Variants in SAE1 observed in about 807,000 individuals in gnomAD.
SAE1 encodes the protein SUMO-activating enzyme subunit 1.
SAE1 carries 11 observed loss-of-function variants against 40.6 expected under a neutral mutation model. The ratio of observed to expected loss-of-function variants is 0.27; its 90% CI spans 0.17 to 0.45. The LOEUF is 0.45. Among genes scored for constraint, SAE1 ranks in the 20% least tolerant of loss-of-function variants. SAE1 has a pLI of 1.00. For synonymous variants in SAE1, 155 were observed against 154.3 expected (o/e 1.00, Z -0.03); for missense variants, 373 against 427.3 (o/e 0.87, Z 1.12).
intron 6 of SAE1, among the ~76,000 whole-genome samples, chr19:47,173,591 C>T (rs1001569134): frequency 2.0e-5 from 3 of 152,078 alleles, no homozygotes; most frequent in Admixed American, 6.6e-5. Context: ...AACACTGTCA[C>T]GGGGGACTGT....
At chr19:47,203,626 G>A (rs2123324695) in intron 7 of SAE1, 45 bp from the exon 8 acceptor site, 1 of 1,565,820 alleles carries the variant, frequency 6.4e-7, no homozygotes, top group Admixed American at 1.7e-5. Flanking sequence ...CATGGTCACA[G>A]TTCTGTTCCC....
intron 6 of SAE1, among the ~76,000 whole-genome samples, chr19:47,192,440 G>A (rs2058584945): frequency 6.6e-6 from 1 of 151,958 alleles, no homozygotes; most frequent in East Asian, 1.9e-4. Context: ...ATAGAGATGG[G>A]GTTTTATCAT....
chr19:47,164,638 C>CATT, intron 5 of SAE1, among the ~76,000 whole-genome samples: 1 of 125,070 alleles, frequency 8.0e-6, no homozygotes, highest in East Asian at 2.6e-4. Context: ...GGAGAATTCA[C>CATT]CTTTTTTTTT....
chr19:47,188,497 A>C (rs1448475754), intron 6 of SAE1, among the ~76,000 whole-genome samples: 1 of 152,206 alleles, frequency 6.6e-6, no homozygotes, highest in Admixed American at 6.5e-5. Context: ...ATGCAGGTAA[A>C]TGAGCTACTG....
At chr19:47,152,602 T>C (rs573681346) in intron 3 of SAE1, among the ~76,000 whole-genome samples, 2 of 152,334 alleles carry the variant, frequency 1.3e-5, no homozygotes, top group East Asian at 3.9e-4. Context: ...AACTATGAAA[T>C]GTGTATATGT....
At chr19:47,179,792 T>C (rs1449216176) in intron 6 of SAE1, among the ~76,000 whole-genome samples, 1 of 152,168 alleles carries the variant, frequency 6.6e-6, no homozygotes, top group Non-Finnish European at 1.5e-5. Context: ...CTCTGTCTCC[T>C]GGGCTGAAGT....
In SAE1 at chr19:47,155,231, G is replaced by T. The variant is rs774375508; in HGVS notation, c.627+18G>T. On this transcript the variant is annotated intron_variant, in intron 5 of 8. Coordinates refer to ENST00000270225, the MANE Select transcript of SAE1 (RefSeq NM_005500.3). Reference sequence around the variant, plus strand: ...TCAAAAAGGTATGTGTAACGTGGGGGCAGAGGTCAGAAACCCTGGGGCCTT... The same window carrying T: ...TCAAAAAGGTATGTGTAACGTGGGGTCAGAGGTCAGAAACCCTGGGGCCTT... 9 of 1,547,650 alleles carry T rather than the reference G, an allele frequency of 5.8e-6. No homozygotes were observed. The African/African-American group carries it at 6.8e-5, about 12-fold the overall frequency.
At chr19:47,140,547 G>A (rs2058214804) in intron 1 of SAE1, among the ~76,000 whole-genome samples, 1 of 151,518 alleles carries the variant, frequency 6.6e-6, no homozygotes, top group African/African-American at 2.4e-5. Context: ...CACTTTGAGG[G>A]AGGCAGAGGC....
At chr19:47,146,782 G>T (rs533445157) in intron 2 of SAE1, among the ~76,000 whole-genome samples, 1 of 152,254 alleles carries the variant, frequency 6.6e-6, no homozygotes, top group African/African-American at 2.4e-5. Context: ...CACTCTCATG[G>T]AAATAGCAAG....
At chr19:47,169,759 G>A in intron 5 of SAE1, 59 bp from the exon 6 acceptor site, 1 of 1,121,578 alleles carries the variant, frequency 8.9e-7, no homozygotes, top group Non-Finnish European at 1.4e-6. Context: ...AAGAGCAACT[G>A]CCTTGTGATT....
At chr19:47,187,505 G>C (rs1485605261) in intron 6 of SAE1, among the ~76,000 whole-genome samples, 1 of 152,126 alleles carries the variant, frequency 6.6e-6, no homozygotes, top group Non-Finnish European at 1.5e-5. Context: ...GTCTGCTTTG[G>C]ATTTCCAGGA....
At chr19:47,133,213 G>T (rs189311707) in intron 1 of SAE1, among the ~76,000 whole-genome samples, 2 of 152,176 alleles carry the variant, frequency 1.3e-5, no homozygotes, top group African/African-American at 2.4e-5. Flanking sequence ...GGAGTAACAT[G>T]ATCTGTTTTT....
chr19:47,131,244 G>A, intron 1 of SAE1: 1 of 1,265,996 alleles, frequency 7.9e-7, no homozygotes, highest in Admixed American at 3.6e-5. Context: ...CCGAAGGATG[G>A]GAGCTCTGAA....
chr19:47,168,221 G>GT (rs559027457), intron 5 of SAE1, among the ~76,000 whole-genome samples: 185 of 152,018 alleles, frequency 1.2e-3, no homozygotes, highest in African/African-American at 4.3e-3. Context: ...ACAAAAAACT[G>GT]TTTTTTTGTA....
chr19:47,136,573 G>T (rs1315169570), intron 1 of SAE1, among the ~76,000 whole-genome samples: 1 of 129,748 alleles, frequency 7.7e-6, no homozygotes, highest in Non-Finnish European at 1.6e-5. Context: ...TCAGCTCACC[G>T]CAACCCTTGC....
At chr19:47,178,113 C>T (rs1251617440) in intron 6 of SAE1, among the ~76,000 whole-genome samples, 8 of 151,864 alleles carry the variant, frequency 5.3e-5, no homozygotes, top group African/African-American at 1.9e-4. Flanking sequence ...TGGTGGTGTG[C>T]GCCTGTAGTC....
At chr19:47,137,428 C>G (rs1343646621) in intron 1 of SAE1, among the ~76,000 whole-genome samples, 1 of 152,072 alleles carries the variant, frequency 6.6e-6, no homozygotes, top group Non-Finnish European at 1.5e-5. Context: ...AAAGAAGCAG[C>G]TTCCTAGAGC....
At chr19:47,176,487 T>C (rs1260729166) in intron 6 of SAE1, among the ~76,000 whole-genome samples, 2 of 152,202 alleles carry the variant, frequency 1.3e-5, no homozygotes, top group African/African-American at 4.8e-5. Flanking sequence ...ATAAATATTT[T>C]TTGCATGAGT....
At chr19:47,135,939 G>C (rs2058176620) in intron 1 of SAE1, among the ~76,000 whole-genome samples, 1 of 152,020 alleles carries the variant, frequency 6.6e-6, no homozygotes, top group Non-Finnish European at 1.5e-5. Context: ...TAGTAGCTGG[G>C]ACTACAGGTG....
Sources: gnomAD v4.1 joint callset for allele counts (sites outside exome capture counted in the v4.1 genomes callset) on GRCh38, gnomAD v4.1.1 for gene constraint, MANE v1.5 for transcripts, NCBI Gene and HGNC (gene_info 2026-07-23, HGNC 2026-07-21) for gene names.